Variants in MIPOL1 observed in about 807,000 individuals in gnomAD.
MIPOL1 encodes the protein mirror-image polydactyly 1.
In MIPOL1, 57 loss-of-function variants were observed where a neutral mutation model predicts 60.9. The observed-to-expected ratio is 0.94, with a 90% CI of 0.76 to 1.17. The LOEUF (loss-of-function observed/expected upper bound fraction) is 1.17, where lower values mean the gene tolerates loss of function less well. MIPOL1 is among the 50% of genes most tolerant of loss of function. MIPOL1 has a pLI of 0.00. For synonymous variants in MIPOL1, 179 were observed against 168.8 expected, an observed-to-expected ratio of 1.06 and a Z score of -0.47; for missense variants, 551 against 511.6, an observed-to-expected ratio of 1.08 and a Z score of -0.74.
rs112329726 is a variant in MIPOL1, at chr14:37,395,923, T to G, written c.936+26299T>G. On this transcript the variant is annotated intron_variant, in intron 10 of 12. Coordinates refer to ENST00000684589, the MANE Select transcript of MIPOL1 (RefSeq NM_001388067.1). ...GTCCTTATGTGTTAGATGAGTCTCC[T>G]GAAGGCAGCAGATAGTTGGTGAATT... is the stretch of plus-strand genomic sequence containing the variant. 4.8e-3 allele frequency among the ~76,000 whole-genome samples: 724 copies of G among 152,302 alleles called. 4 individuals are homozygous for G. Among genetic ancestry groups the G allele is most frequent in the African/African-American group, 0.015 (641 of 41,572 alleles).
intron 9 of MIPOL1, among the ~76,000 whole-genome samples, chr14:37,336,320 G>T (rs532680636): frequency 4.0e-5 from 6 of 150,326 alleles, no homozygotes; most frequent in Non-Finnish European, 5.9e-5. Context: ...CTATAGCTTC[G>T]TAATTTTGAA....
chr14:37,517,708 A>G (rs752000926), intron 12 of MIPOL1, among the ~76,000 whole-genome samples: 1 of 152,182 alleles, frequency 6.6e-6, no homozygotes, highest in Non-Finnish European at 1.5e-5. Flanking sequence ...AATAAGGACG[A>G]TATCTATAAA....
In MIPOL1 at chr14:37,515,481, G is replaced by A. The variant is rs567732646; in HGVS notation, c.1262+15343G>A. On this transcript the variant is annotated intron_variant, in intron 12 of 12. Transcript: ENST00000684589. ...AATACAAACTAATAGTTCTTGGAAC[G>A]TCATCATCTTTTTAGTTTTTCGTTT... Among the ~76,000 whole-genome samples the A allele has an allele frequency of 1.2e-4, 18 of 152,158 alleles. No homozygotes were observed. The East Asian group carries it at 2.9e-3, about 25-fold the overall frequency.
At chr14:37,398,247 C>G (rs1022982619) in intron 10 of MIPOL1, among the ~76,000 whole-genome samples, 7 of 152,196 alleles carry the variant, frequency 4.6e-5, no homozygotes, top group African/African-American at 1.7e-4. Flanking sequence ...TCACTAGGGG[C>G]ACGGTGGTGG....
intron 11 of MIPOL1, among the ~76,000 whole-genome samples, chr14:37,462,377 A>G (rs2094550046): frequency 6.6e-6 from 1 of 152,116 alleles, no homozygotes; most frequent in African/African-American, 2.4e-5. Context: ...TTTTCCTCCT[A>G]GGCCTGTGGG....
At chr14:37,278,587 A>G (rs2083852618) in intron 6 of MIPOL1, 1 of 151,920 alleles carries the variant, frequency 6.6e-6, no homozygotes, top group South Asian at 2.1e-4. Flanking sequence ...TTAAAATCCT[A>G]ATGATTTCTT....
chr14:37,301,007 C>G lies in MIPOL1; in HGVS notation c.624-7049C>G, dbSNP rs1243049574. ...GCCCTTTGTTGGGGGAGTATGACTA[C>G]TTCTAGACCCTTTCTGCAGACAGAG... On this transcript the variant is annotated intron_variant, in intron 7 of 12. Coordinates refer to ENST00000684589, the MANE Select transcript of MIPOL1 (RefSeq NM_001388067.1). Among the ~76,000 whole-genome samples the G allele has an allele frequency of 8.0e-4, 12 of 15,002 alleles. 4 individuals are homozygous for G. The highest frequency in any genetic ancestry group is 1.0e-3 in the African/African-American group (12 of 11,880). The allele number at this position is 15,002 out of a possible 152,430, so 9.8% of individuals were successfully genotyped here.
At chr14:37,209,519 G>A (rs553381870) in intron 1 of MIPOL1, among the ~76,000 whole-genome samples, 212 of 152,156 alleles carry the variant, frequency 1.4e-3, no homozygotes, top group African/African-American at 4.7e-3. Flanking sequence ...AATTACCTGG[G>A]CATGGTGGCG....
At chr14:37,494,631 A>C (rs987324883) in intron 11 of MIPOL1, among the ~76,000 whole-genome samples, 6 of 152,176 alleles carry the variant, frequency 3.9e-5, no homozygotes, top group African/African-American at 9.6e-5. Context: ...GTAGGTTCAA[A>C]TTCTGGCTCT....
At chr14:37,450,455 T>G (rs1418708259) in intron 11 of MIPOL1, among the ~76,000 whole-genome samples, 1 of 152,214 alleles carries the variant, frequency 6.6e-6, no homozygotes, top group African/African-American at 2.4e-5. Flanking sequence ...TTTTCTTGCT[T>G]CTAGTAACTG....
chr14:37,472,789 T>G (rs902488815), intron 11 of MIPOL1, among the ~76,000 whole-genome samples: 1 of 152,188 alleles, frequency 6.6e-6, no homozygotes, highest in East Asian at 1.9e-4. Context: ...TTCAAATACT[T>G]GAAGAGATTT....
chr14:37,246,143 T>C (rs572492289), intron 1 of MIPOL1, among the ~76,000 whole-genome samples: 1 of 152,270 alleles, frequency 6.6e-6, no homozygotes, highest in East Asian at 1.9e-4. Flanking sequence ...TTTCCATGCA[T>C]ATTTTACTAC....
chr14:37,247,650 G>A (rs188263905), intron 2 of MIPOL1, 179 bp from the exon 3 acceptor site: 2 of 461,596 alleles, frequency 4.3e-6, no homozygotes, highest in African/African-American at 4.0e-5. Context: ...GTGAAGAAAA[G>A]AACCTTTTTC....
chr14:37,222,502 A>G (rs1281379722), intron 1 of MIPOL1, among the ~76,000 whole-genome samples: 3 of 151,776 alleles, frequency 2.0e-5, no homozygotes, highest in Non-Finnish European at 4.4e-5. Flanking sequence ...CTTCTGCCAG[A>G]TATCTTAGTG....
chr14:37,299,198 CAAAA>C (rs1352298219), intron 7 of MIPOL1, among the ~76,000 whole-genome samples: 1 of 146,002 alleles, frequency 6.8e-6, no homozygotes, highest in Non-Finnish European at 1.5e-5. Context: ...ATTGCAAGGA[CAAAA>C]AACCAAACAC....
chr14:37,506,646 A>G (rs2095279069), intron 12 of MIPOL1: 1 of 152,216 alleles, frequency 6.6e-6, no homozygotes, highest in South Asian at 2.1e-4. Flanking sequence ...TAAAAACTCT[A>G]GAAGAAAACC....
At chr14:37,224,309 A>G (rs1163345325) in intron 1 of MIPOL1, among the ~76,000 whole-genome samples, 1 of 152,138 alleles carries the variant, frequency 6.6e-6, no homozygotes, top group South Asian at 2.1e-4. Context: ...GCAAGACCCC[A>G]TCTTTACCAA....
rs1294698005 is a variant in MIPOL1, at chr14:37,422,876, C to T, written c.958C>T (p.Gln320Ter). ...ALKAKLLSMQQARETAVQQYK... is the reference protein window; with the variant it reads ...ALKAKLLSMQ ...TTAGGCAAAGTTGTTATCTATGCAA[C>T]AAGCCAGAGAAACTGCAGTTCAACA... Residue 320 changes from glutamine to a stop codon, truncating the protein, a stop_gained, in exon 11 of 13, where the codon CAA becomes TAA. Coordinates refer to ENST00000684589, the MANE Select transcript of MIPOL1 (RefSeq NM_001388067.1). LOFTEE classifies it high-confidence loss of function. 6.2e-7 allele frequency: 1 copy of T among 1,606,838 alleles called. No individual in the cohort carries two copies. Among genetic ancestry groups the T allele is most frequent in the Non-Finnish European group, 8.5e-7 (1 of 1,175,802 alleles).
At chr14:37,305,394 G>C (rs958108232) in intron 7 of MIPOL1, among the ~76,000 whole-genome samples, 2 of 151,732 alleles carry the variant, frequency 1.3e-5, no homozygotes, top group South Asian at 2.1e-4. Context: ...CCTGCTACCT[G>C]TTTTGTAAAT....
Sources: gnomAD v4.1 joint callset for allele counts (sites outside exome capture counted in the v4.1 genomes callset) on GRCh38, gnomAD v4.1.1 for gene constraint, MANE v1.5 for transcripts, NCBI Gene and HGNC (gene_info 2026-07-23, HGNC 2026-07-21) for gene names.